IFFO1: variants seen among roughly 807,000 people sequenced by gnomAD.
IFFO1 encodes intermediate filament family orphan 1.
IFFO1 carries 42 observed loss-of-function variants against 59.6 expected under a neutral mutation model. The observed-to-expected ratio is 0.70, with a 90% confidence interval of 0.55 to 0.91. The LOEUF is 0.91. IFFO1 is among the 40% of genes least tolerant of loss of function. IFFO1 has a pLI of 0.00. For missense variants in IFFO1, 711 were observed against 793.2 expected, an observed-to-expected ratio of 0.90 and a Z score of 1.24; for synonymous variants, 336 against 342.8, an observed-to-expected ratio of 0.98 and a Z score of 0.22.
chr12:6,545,826 T>C (rs1367495184), intron 8 of IFFO1, among the ~76,000 whole-genome samples: 1 of 152,210 alleles, frequency 6.6e-6, no homozygotes, highest in Non-Finnish European at 1.5e-5. Flanking sequence ...TGAGATTGAC[T>C]GTCGTGGTAT....
In IFFO1 at chr12:6,549,190, TAAA is replaced by T. The variant is rs11439256; in HGVS notation, c.1080+283_1080+285del. 9 of 437,146 alleles carry T rather than the reference TAAA, an allele frequency of 2.1e-5. No individual in the cohort carries two copies. Among genetic ancestry groups the T allele is most frequent in the East Asian group, 3.7e-5 (1 of 26,754 alleles). The allele number at this position is 437,146 out of a possible 1,614,324, so 27.1% of individuals were successfully genotyped here. On this transcript the variant is annotated intron_variant, in intron 5 of 9. Transcript: ENST00000619571. The surrounding 1 kb of genome is among the most constrained non-coding windows in gnomAD (Gnocchi z 5.0). The stretch of plus-strand genomic sequence containing the variant: ...AGTCTTTTTGATTAAATGACTCAAC[TAAA>T]AAAAAAAAAGCTTTAGGACGCAAGG...
Position 6,548,308 on chromosome 12 carries a change from G to C in IFFO1, c.1383+117C>G. Reference sequence around the variant, plus strand: ...AGCAAAAGGATAAAGGAAGAGGGGAGACGCAGGTAGAGGATGACAGCCACA... The same window carrying C: ...AGCAAAAGGATAAAGGAAGAGGGGACACGCAGGTAGAGGATGACAGCCACA... On this transcript the variant is annotated intron_variant, in intron 7 of 9. Transcript: ENST00000619571. This position sits in a 1 kb window ranked among gnomAD's most constrained non-coding sequence, Gnocchi z 6.1. 1 of 1,329,258 alleles carries C rather than the reference G, an allele frequency of 7.5e-7. No homozygotes were observed. The highest frequency in any genetic ancestry group is 1.1e-6 in the Non-Finnish European group (1 of 939,656). 82.3% of individuals were successfully genotyped at this position (1,329,258 alleles called of 1,614,324 possible).
intron 3 of IFFO1, 157 bp downstream of exon 3, chr12:6,550,538 C>T: frequency 1.7e-6 from 1 of 602,626 alleles, no homozygotes; most frequent in Admixed American, 2.9e-5. Context: ...GCTTGTCTTT[C>T]TCTGGAGTTA....
Position 6,548,230 on chromosome 12 carries a change from A to G in IFFO1, c.1384-70T>C, listed in dbSNP as rs373384030. 2 of 1,401,852 alleles carry G rather than the reference A, an allele frequency of 1.4e-6. No homozygotes were observed. Among genetic ancestry groups the G allele is most frequent in the African/African-American group, 2.8e-5 (2 of 70,490 alleles). The allele number at this position is 1,401,852 out of a possible 1,614,324, so 86.8% of individuals were successfully genotyped here. A position where few individuals can be genotyped will look rare whatever the true frequency, so the allele number is the denominator to read the frequency against. On this transcript the variant is annotated intron_variant, in intron 7 of 9. Transcript: ENST00000619571. The surrounding 1 kb of genome is among the most constrained non-coding windows in gnomAD (Gnocchi z 6.1). ...GGATGGGACGCATTCCAAAGGGCCAAGTCAGGGAGAGAGAGAGAGAGGAAG... is the reference window on the plus strand; with the variant it reads ...GGATGGGACGCATTCCAAAGGGCCAGGTCAGGGAGAGAGAGAGAGAGGAAG...
In IFFO1 at chr12:6,540,477, AG is replaced by A. The variant is rs757573686; in HGVS notation, c.*5del. ...AGGGCCTCGGGTGCAAGGGGGAGGC[AG>A]GTCTCTATCTCATGGAGCTGTCAGA... On this transcript the variant is annotated 3_prime_UTR_variant, in exon 10 of 10. Coordinates refer to ENST00000619571, the MANE Select transcript of IFFO1 (RefSeq NM_001193457.2). 29 of 1,610,726 alleles carry A rather than the reference AG, an allele frequency of 1.8e-5. No homozygotes were observed. Among genetic ancestry groups the A allele is most frequent in the Non-Finnish European group, 2.3e-5 (27 of 1,177,108 alleles).
chr12:6,541,406 A>G lies in IFFO1; in HGVS notation c.1610+106T>C. On this transcript the variant is annotated intron_variant, in intron 9 of 9. Coordinates refer to ENST00000619571, the MANE Select transcript of IFFO1 (RefSeq NM_001193457.2). This position sits in a 1 kb window ranked among gnomAD's most constrained non-coding sequence, Gnocchi z 4.8. The stretch of plus-strand genomic sequence containing the variant: ...GGTAACTCCCAAAGGGCAGCCCCAC[A>G]GCAAGATGTGACCCAGTCATTGCCT... 1 of 1,444,458 alleles carries G rather than the reference A, an allele frequency of 6.9e-7. No individual in the cohort carries two copies. Among genetic ancestry groups the G allele is most frequent in the Non-Finnish European group, 9.4e-7 (1 of 1,060,288 alleles). 89.5% of individuals were successfully genotyped at this position (1,444,458 alleles called of 1,614,324 possible).
At position 6,548,145 on chromosome 12, in the gene IFFO1, G is replaced by C. The variant is rs1008831175; in HGVS notation, c.1399C>G (p.Leu467Val). The part of the protein sequence containing the change: ...EAQGEQQEDS[L>V]EKVIKDTESL... Reference sequence around the variant, plus strand: ...TCCGTATCTTTAATCACCTTCTCCAGGCTATCTTCCTGCTGCTGGAGTAGA... The same window carrying C: ...TCCGTATCTTTAATCACCTTCTCCACGCTATCTTCCTGCTGCTGGAGTAGA... Residue 467 changes from leucine (L) to valine (V), a missense_variant, in exon 8 of 10, where the codon CTG becomes GTG. Physicochemically the swap from Leu to Val is conservative, Grantham distance 32 (BLOSUM62 1). Around this residue, in one of 3 missense-constraint regions of IFFO1, gnomAD observed 579 missense variants for 650.3 expected, o/e 0.89. Coordinates refer to ENST00000619571, the MANE Select transcript of IFFO1 (RefSeq NM_001193457.2). The surrounding 1 kb of genome is among the most constrained non-coding windows in gnomAD (Gnocchi z 6.1). The C allele has an allele frequency of 2.5e-6, 4 of 1,613,828 alleles. No homozygotes were observed. The highest frequency in any genetic ancestry group is 2.5e-6 in the Non-Finnish European group (3 of 1,179,902).
intron 1 of IFFO1, among the ~76,000 whole-genome samples, chr12:6,552,133 A>G (rs1045801259): frequency 6.6e-5 from 10 of 152,226 alleles, no homozygotes; most frequent in African/African-American, 2.4e-4. Flanking sequence ...CCAAGAAGAC[A>G]GCAAGAAAAT....
Position 6,548,410 on chromosome 12 carries a change from G to T in IFFO1, c.1383+15C>A. 1.3e-6 allele frequency: 2 copies of T among 1,598,838 alleles called. No homozygotes were observed. Among genetic ancestry groups the T allele is most frequent in the South Asian group, 1.1e-5 (1 of 88,368 alleles). On this transcript the variant is annotated intron_variant, in intron 7 of 9. Coordinates refer to ENST00000619571, the MANE Select transcript of IFFO1 (RefSeq NM_001193457.2). The surrounding 1 kb of genome is among the most constrained non-coding windows in gnomAD (Gnocchi z 6.1). Reference sequence around the variant, plus strand: ...GGCAGAGCCAGAGGGCCCTGAGGCCGGGAGCAGAGGTTACCTCTCCCTGGG... The same window carrying T: ...GGCAGAGCCAGAGGGCCCTGAGGCCTGGAGCAGAGGTTACCTCTCCCTGGG...
At chr12:6,543,790 A>AC (rs1343156716) in intron 8 of IFFO1, 2 of 151,982 alleles carry the variant, frequency 1.3e-5, no homozygotes, top group Admixed American at 6.6e-5. Flanking sequence ...ACATGGAGAA[A>AC]CCCCATCTCT....
chr12:6,549,975 A>C lies in IFFO1; in HGVS notation c.931-79T>G. Reference sequence around the variant, plus strand: ...ACGAATTAGGCCTGGCAAGGTCCTCATCCTTCCCACCACATTGCACCGGTG... The same window carrying C: ...ACGAATTAGGCCTGGCAAGGTCCTCCTCCTTCCCACCACATTGCACCGGTG... On this transcript the variant is annotated intron_variant, in intron 3 of 9. Transcript: ENST00000619571. The surrounding 1 kb of genome is among the most constrained non-coding windows in gnomAD (Gnocchi z 5.0). The C allele has an allele frequency of 3.4e-6, 5 of 1,459,214 alleles. No individual in the cohort carries two copies. The highest frequency in any genetic ancestry group is 1.4e-5 in the African/African-American group (1 of 71,762). The allele number at this position is 1,459,214 out of a possible 1,614,324, so 90.4% of individuals were successfully genotyped here. A position where few individuals can be genotyped will look rare whatever the true frequency, so the allele number is the denominator to read the frequency against.
intron 8 of IFFO1, among the ~76,000 whole-genome samples, chr12:6,545,202 G>A (rs1015479204): frequency 9.2e-5 from 14 of 152,018 alleles, no homozygotes; most frequent in Admixed American, 5.2e-4. Flanking sequence ...GCGACACAGC[G>A]AGACTACGTC....
In IFFO1 at chr12:6,541,496, C is replaced by G; in HGVS notation, c.1610+16G>C. 6.2e-7 allele frequency: 1 copy of G among 1,612,762 alleles called. No individual in the cohort carries two copies. Among genetic ancestry groups the G allele is most frequent in the Non-Finnish European group, 8.5e-7 (1 of 1,179,954 alleles). The stretch of plus-strand genomic sequence containing the variant: ...GTGTCCCCCTGGAAGGCCCCATGCC[C>G]AGGGGAGGCGCCTACCGGTCTCCAG... On this transcript the variant is annotated intron_variant, in intron 9 of 9. Coordinates refer to ENST00000619571, the MANE Select transcript of IFFO1 (RefSeq NM_001193457.2). This position sits in a 1 kb window ranked among gnomAD's most constrained non-coding sequence, Gnocchi z 4.8.
intron 8 of IFFO1, among the ~76,000 whole-genome samples, chr12:6,543,199 T>A (rs1346841902): frequency 6.6e-6 from 1 of 151,992 alleles, no homozygotes; most frequent in Non-Finnish European, 1.5e-5. Flanking sequence ...AGATCAAAGG[T>A]CACAAAGATA....
chr12:6,551,054 C>T, intron 1 of IFFO1, 53 bp from the exon 2 acceptor site: 6 of 1,557,056 alleles, frequency 3.9e-6, no homozygotes, highest in East Asian at 4.5e-5. Context: ...CCTTCCCTGC[C>T]CCCATGGCTC....
At chr12:6,553,671 C>T (rs1335512715) in intron 1 of IFFO1, among the ~76,000 whole-genome samples, 1 of 152,052 alleles carries the variant, frequency 6.6e-6, no homozygotes, top group African/African-American at 2.4e-5. Context: ...ACTCAAGAGG[C>T]TGAGGCAGGA....
rs144057558 is a variant in IFFO1 at position 6,549,816 on chromosome 12, G to A, written c.1011C>T (p.Thr337=). The change falls in exon 4 of 10, where the codon ACC becomes ACT. Residue 337 remains threonine (T), a synonymous_variant. Coordinates refer to ENST00000619571, the MANE Select transcript of IFFO1 (RefSeq NM_001193457.2). The surrounding 1 kb of genome is among the most constrained non-coding windows in gnomAD (Gnocchi z 5.0). ...DMDICRRIDI[T]AKLCDVAQQR... ...GCTGAGCCACATCGCAGAGCTTGGC[G>A]GTGATGTCGATGCGGCGGCAGATGT... 103 of 1,614,202 alleles carry A rather than the reference G, an allele frequency of 6.4e-5. 1 individual carries two copies. The highest frequency in any genetic ancestry group is 5.7e-4 in the African/African-American group (43 of 75,070).
rs1452281636 is a variant in IFFO1, at chr12:6,549,982, C to T, written c.931-86G>A. On this transcript the variant is annotated intron_variant, in intron 3 of 9. Transcript: ENST00000619571. This position sits in a 1 kb window ranked among gnomAD's most constrained non-coding sequence, Gnocchi z 5.0. ...AGGCCTGGCAAGGTCCTCATCCTTC[C>T]CACCACATTGCACCGGTGCCTCTTC... 10 of 1,409,512 alleles carry T rather than the reference C, an allele frequency of 7.1e-6. No individual in the cohort carries two copies. Among genetic ancestry groups the T allele is most frequent in the Non-Finnish European group, 9.7e-6 (10 of 1,035,894 alleles). 87.3% of individuals were successfully genotyped at this position (1,409,512 alleles called of 1,614,324 possible). A position where few individuals can be genotyped will look rare whatever the true frequency, so the allele number is the denominator to read the frequency against.
At position 6,549,383 on chromosome 12, in the gene IFFO1, G is replaced by A; in HGVS notation, c.1080+93C>T. ...AGGGCAGAAAAAAATCCGTGCTCAAGAGCCCAGCGGGCCCAAACTGAGGGC... is the reference window on the plus strand; with the variant it reads ...AGGGCAGAAAAAAATCCGTGCTCAAAAGCCCAGCGGGCCCAAACTGAGGGC... On this transcript the variant is annotated intron_variant, in intron 5 of 9. Coordinates refer to ENST00000619571, the MANE Select transcript of IFFO1 (RefSeq NM_001193457.2). The surrounding 1 kb of genome is among the most constrained non-coding windows in gnomAD (Gnocchi z 5.0). 2.3e-6 allele frequency: 3 copies of A among 1,308,034 alleles called. No individual in the cohort carries two copies. The highest frequency in any genetic ancestry group is 2.2e-6 in the Non-Finnish European group (2 of 914,086). The allele number at this position is 1,308,034 out of a possible 1,614,324, so 81.0% of individuals were successfully genotyped here.
Sources: gnomAD v4.1 joint callset for allele counts (sites outside exome capture counted in the v4.1 genomes callset) on GRCh38, gnomAD v4.1.1 for gene constraint, gnomAD v4.1.1 regional missense constraint, Gnocchi (gnomAD v3.1) non-coding constraint, MANE v1.5 for transcripts, NCBI Gene and HGNC (gene_info 2026-07-23, HGNC 2026-07-21) for gene names.